The following DGKB variants were observed in gnomAD, a reference collection of about 807,000 sequenced individuals.
DGKB encodes diacylglycerol kinase beta.
In DGKB, 67 loss-of-function variants were observed where a neutral mutation model predicts 114.3. The ratio of observed to expected loss-of-function variants is 0.59; its 90% confidence interval spans 0.48 to 0.72. The LOEUF (loss-of-function observed/expected upper bound fraction) is 0.72, where lower values mean the gene tolerates loss of function less well. Ranked by LOEUF, DGKB falls within the 30% of genes least tolerant of loss-of-function variation. The pLI is 0.00. For synonymous variants in DGKB, 398 were observed against 323.1 expected, an observed-to-expected ratio of 1.23 and a Z score of -2.49; for missense variants, 907 against 975.2, an observed-to-expected ratio of 0.93 and a Z score of 0.93.
At chr7:14,401,413 G>C (rs1348899826) in intron 21 of DGKB, among the ~76,000 whole-genome samples, 7 of 151,900 alleles carry the variant, frequency 4.6e-5, no homozygotes, top group Non-Finnish European at 1.0e-4. Flanking sequence ...AACATGTTAT[G>C]ATGTTAAGCC....
intron 23 of DGKB, among the ~76,000 whole-genome samples, chr7:14,302,175 T>C (rs1350029557): frequency 6.6e-6 from 1 of 152,110 alleles, no homozygotes; most frequent in Non-Finnish European, 1.5e-5. Context: ...ATATAATGTT[T>C]AGGAATGTAT....
intron 15 of DGKB, among the ~76,000 whole-genome samples, chr7:14,615,284 A>G (rs562898647): frequency 1.3e-5 from 2 of 152,056 alleles, no homozygotes; most frequent in African/African-American, 4.8e-5. Context: ...CCTAAAGTCA[A>G]CATTCATTTT....
At chr7:14,178,287 T>TA (rs1298419493) in intron 23 of DGKB, 136 bp from the exon 24 acceptor site, 1 of 901,252 alleles carries the variant, frequency 1.1e-6, no homozygotes, top group Non-Finnish European at 1.6e-6. Context: ...CTTAAAGTAA[T>TA]AAAAAGATGG....
intron 23 of DGKB, among the ~76,000 whole-genome samples, chr7:14,257,258 GCTTT>G (rs1232054093): frequency 6.6e-6 from 1 of 151,772 alleles, no homozygotes; most frequent in African/African-American, 2.4e-5. Flanking sequence ...TTAGTTCTAG[GCTTT>G]CTGTTACCTG....
intron 4 of DGKB, chr7:14,750,028 G>A: frequency 2.1e-6 from 1 of 466,970 alleles, no homozygotes; most frequent in Non-Finnish European, 4.3e-6. Flanking sequence ...CTATCCAAAT[G>A]TTACTATGTT....
At chr7:14,849,652 C>A (rs879716408) in intron 1 of DGKB, among the ~76,000 whole-genome samples, 1 of 152,112 alleles carries the variant, frequency 6.6e-6, no homozygotes, top group Non-Finnish European at 1.5e-5. Context: ...CCTTTGATAA[C>A]AGGACACATT....
intron 14 of DGKB, among the ~76,000 whole-genome samples, chr7:14,627,950 C>G (rs79959204): frequency 0.026 from 2,456 of 93,576 alleles, 30 homozygotes; most frequent in Non-Finnish European, 0.041. Context: ...CTCAAAAAAA[C>G]AAAAAAAAAA....
chr7:14,556,087 G>T (rs1174851130), intron 20 of DGKB, among the ~76,000 whole-genome samples: 1 of 152,112 alleles, frequency 6.6e-6, no homozygotes, highest in Non-Finnish European at 1.5e-5. Context: ...ATGATCTCTT[G>T]GGGTCTGGAT....
intron 2 of DGKB, among the ~76,000 whole-genome samples, chr7:14,814,965 T>C (rs946181939): frequency 6.6e-6 from 1 of 152,210 alleles, no homozygotes; most frequent in African/African-American, 2.4e-5. Context: ...ATTTTATAGT[T>C]TCTCTAACCT....
At chr7:14,692,534 G>A (rs1053453246) in intron 9 of DGKB, among the ~76,000 whole-genome samples, 40 of 151,190 alleles carry the variant, frequency 2.6e-4, no homozygotes, top group African/African-American at 9.7e-4. Flanking sequence ...TTTGTCATAA[G>A]GTACATGAAC....
intron 23 of DGKB, among the ~76,000 whole-genome samples, chr7:14,178,560 G>C (rs1261499158): frequency 6.6e-6 from 1 of 152,136 alleles, no homozygotes; most frequent in African/African-American, 2.4e-5. Context: ...AGGATATGCT[G>C]TCAAACATGA....
chr7:14,388,037 G>A (rs553851332), intron 21 of DGKB, among the ~76,000 whole-genome samples: 32 of 151,468 alleles, frequency 2.1e-4, no homozygotes, highest in African/African-American at 6.8e-4. Flanking sequence ...CTGCCACTGC[G>A]CCCGGCTAAT....
At chr7:14,933,364 C>A (rs557791904) in intron 1 of DGKB, among the ~76,000 whole-genome samples, 2 of 152,242 alleles carry the variant, frequency 1.3e-5, no homozygotes, top group Non-Finnish European at 2.9e-5. Flanking sequence ...TCCTTCAGTT[C>A]CTCTCTTAAA....
chr7:14,771,074 CTT>C (rs1837335674), intron 2 of DGKB, among the ~76,000 whole-genome samples: 1 of 152,104 alleles, frequency 6.6e-6, no homozygotes, highest in South Asian at 2.1e-4. Flanking sequence ...CCCCAAATCT[CTT>C]TGATTTAGCA....
At chr7:14,923,229 G>A (rs1784596053) in intron 1 of DGKB, among the ~76,000 whole-genome samples, 1 of 152,072 alleles carries the variant, frequency 6.6e-6, no homozygotes, top group African/African-American at 2.4e-5. Flanking sequence ...ATTTATTTCT[G>A]TTTTTAGTTT....
chr7:14,579,738 G>A (rs562050148), intron 19 of DGKB, among the ~76,000 whole-genome samples: 93 of 152,128 alleles, frequency 6.1e-4, no homozygotes, highest in African/African-American at 2.0e-3. Flanking sequence ...GATATTCATG[G>A]AATTATTCTC....
chr7:14,230,447 A>G (rs879380350), intron 23 of DGKB, among the ~76,000 whole-genome samples: 1 of 152,008 alleles, frequency 6.6e-6, no homozygotes, highest in Admixed American at 6.6e-5. Context: ...TGTTATGGTA[A>G]AATTTCATTA....
chr7:14,459,779 C>T (rs1215971952), intron 21 of DGKB, among the ~76,000 whole-genome samples: 2 of 151,968 alleles, frequency 1.3e-5, no homozygotes, highest in East Asian at 3.9e-4. Context: ...AAGAGCAACC[C>T]CAAGACACAT....
chr7:14,502,714 T>C (rs1185252188), intron 20 of DGKB, among the ~76,000 whole-genome samples: 3 of 152,102 alleles, frequency 2.0e-5, no homozygotes, highest in African/African-American at 4.8e-5. Context: ...ACATAAAGTA[T>C]CTATATGCAT....
Sources: gnomAD v4.1 joint callset for allele counts (sites outside exome capture counted in the v4.1 genomes callset) on GRCh38, gnomAD v4.1.1 for gene constraint, MANE v1.5 for transcripts, NCBI Gene and HGNC (gene_info 2026-07-23, HGNC 2026-07-21) for gene names.